The following PRKG1 variants were observed in gnomAD, a reference collection of about 807,000 sequenced individuals.
The protein encoded by PRKG1 is protein kinase cGMP-dependent 1.
In PRKG1, 35 loss-of-function variants were observed where a neutral mutation model predicts 88.1. The observed-to-expected ratio is 0.40, with a 90% CI of 0.30 to 0.53. The LOEUF (loss-of-function observed/expected upper bound fraction) is 0.53, where lower values mean the gene tolerates loss of function less well. Ranked by LOEUF, PRKG1 falls within the 20% of genes least tolerant of loss-of-function variation. The pLI is 0.59. For missense variants in PRKG1, 540 were observed against 839.8 expected, an observed-to-expected ratio of 0.64 and a Z score of 4.41; for synonymous variants, 303 against 292.5, an observed-to-expected ratio of 1.04 and a Z score of -0.37.
chr10:51,729,914 T>C (rs776788277), intron 3 of PRKG1, among the ~76,000 whole-genome samples: 2 of 152,046 alleles, frequency 1.3e-5, no homozygotes, highest in African/African-American at 2.4e-5. Context: ...CCAGAGATTT[T>C]TCATGTACTC....
intron 2 of PRKG1, among the ~76,000 whole-genome samples, chr10:51,331,276 G>A (rs1841734592): frequency 6.6e-6 from 1 of 152,082 alleles, no homozygotes; most frequent in Non-Finnish European, 1.5e-5. Flanking sequence ...TGCTGCTGAG[G>A]GATGTCCAGA....
chr10:52,079,012 C>A (rs1564459527), intron 7 of PRKG1, among the ~76,000 whole-genome samples: 1 of 152,192 alleles, frequency 6.6e-6, no homozygotes, highest in Non-Finnish European at 1.5e-5. Flanking sequence ...CCTCTACTGG[C>A]ATTTTAATTT....
rs58190244 is a variant in PRKG1, at chr10:51,114,437, C to CTGTGTGTGTGTGTGTG, written c.312-38726_312-38711dup. ...GATTGTCTGCTACCCATGAGTGACT[C>CTGTGTGTGTGTGTGTG]TGTGTGTGTGTGTGTGGATGTGCAC... On this transcript the variant is annotated intron_variant, in intron 1 of 17. Coordinates refer to ENST00000373980, the MANE Select transcript of PRKG1 (RefSeq NM_006258.4). Among the ~76,000 whole-genome samples, 389 of 150,274 alleles carry CTGTGTGTGTGTGTGTG rather than the reference C, an allele frequency of 2.6e-3. 6 individuals carry two copies. Among genetic ancestry groups the CTGTGTGTGTGTGTGTG allele is most frequent in the South Asian group, 0.024 (113 of 4,712 alleles).
intron 2 of PRKG1, among the ~76,000 whole-genome samples, chr10:51,432,357 G>A (rs1838794888): frequency 1.3e-5 from 2 of 152,148 alleles, no homozygotes; most frequent in South Asian, 2.1e-4. Context: ...CATCTCTCAT[G>A]TTTTATTTTT....
At chr10:51,453,070 T>C (rs796932653) in intron 2 of PRKG1, among the ~76,000 whole-genome samples, 2 of 152,000 alleles carry the variant, frequency 1.3e-5, no homozygotes, top group East Asian at 3.8e-4. Context: ...TGTTCTAGTT[T>C]GTGCACATAA....
At chr10:51,788,850 A>G (rs561332347) in intron 3 of PRKG1, among the ~76,000 whole-genome samples, 2 of 152,280 alleles carry the variant, frequency 1.3e-5, no homozygotes, top group South Asian at 2.1e-4. Context: ...TAATAGACAT[A>G]TAATCTTGAT....
chr10:51,282,282 G>A (rs1451865581), intron 2 of PRKG1, among the ~76,000 whole-genome samples: 4 of 152,116 alleles, frequency 2.6e-5, no homozygotes, highest in Non-Finnish European at 5.9e-5. Context: ...TTGTCCCATT[G>A]AGCCTGAAAT....
At chr10:51,160,446 T>C (rs1268891406) in intron 2 of PRKG1, among the ~76,000 whole-genome samples, 1 of 152,200 alleles carries the variant, frequency 6.6e-6, no homozygotes, top group African/African-American at 2.4e-5. Context: ...TGTATATAGA[T>C]AGAAGTAGAA....
At chr10:51,114,426 C>T (rs1845057752) in intron 1 of PRKG1, among the ~76,000 whole-genome samples, 1 of 91,028 alleles carries the variant, frequency 1.1e-5, no homozygotes, top group South Asian at 4.3e-4. Flanking sequence ...GTCTGCTACC[C>T]ATGAGTGACT....
chr10:51,255,753 T>C (rs1189826455), intron 2 of PRKG1, among the ~76,000 whole-genome samples: 1 of 151,970 alleles, frequency 6.6e-6, no homozygotes, highest in Non-Finnish European at 1.5e-5. Context: ...GATGAGCAAA[T>C]ACTGTGATTT....
chr10:51,606,495 G>A (rs1838770935), intron 3 of PRKG1, among the ~76,000 whole-genome samples: 1 of 152,134 alleles, frequency 6.6e-6, no homozygotes. Flanking sequence ...GCTTCCAATT[G>A]AAGACAGAGT....
intron 3 of PRKG1, among the ~76,000 whole-genome samples, chr10:51,501,306 A>T (rs1298796855): frequency 1.3e-5 from 2 of 152,158 alleles, no homozygotes; most frequent in Non-Finnish European, 2.9e-5. Context: ...AACCAGATAA[A>T]TTATATTTTT....
intron 3 of PRKG1, among the ~76,000 whole-genome samples, chr10:51,798,727 A>G (rs1033535131): frequency 3.3e-5 from 5 of 152,114 alleles, no homozygotes; most frequent in African/African-American, 1.2e-4. Flanking sequence ...CTTTGAAGAT[A>G]ATAGTTTTAT....
chr10:51,216,832 T>G (rs537694131), intron 2 of PRKG1, among the ~76,000 whole-genome samples: 17 of 152,258 alleles, frequency 1.1e-4, no homozygotes, highest in African/African-American at 3.4e-4. Flanking sequence ...AAAAGTATAT[T>G]TGGTAGTAAA....
chr10:51,574,749 A>G (rs1354827034), intron 3 of PRKG1, among the ~76,000 whole-genome samples: 1 of 151,990 alleles, frequency 6.6e-6, no homozygotes, highest in Non-Finnish European at 1.5e-5. Flanking sequence ...TCTGGCACAC[A>G]GTCAATAAAT....
At chr10:51,724,803 C>T (rs946450653) in intron 3 of PRKG1, among the ~76,000 whole-genome samples, 4 of 152,008 alleles carry the variant, frequency 2.6e-5, no homozygotes, top group Admixed American at 6.6e-5. Flanking sequence ...CTCAATCCGT[C>T]CTCCTGCCTC....
At chr10:51,101,798 A>AT (rs1316381101) in intron 1 of PRKG1, among the ~76,000 whole-genome samples, 1 of 152,204 alleles carries the variant, frequency 6.6e-6, no homozygotes, top group East Asian at 1.9e-4. Flanking sequence ...AAGCGATTGG[A>AT]TTTTTGTTGT....
intron 4 of PRKG1, among the ~76,000 whole-genome samples, chr10:51,807,806 G>A (rs1007503384): frequency 3.9e-5 from 6 of 151,916 alleles, no homozygotes; most frequent in South Asian, 2.1e-4. Flanking sequence ...GATGGCTTTC[G>A]GGGGGAAAAA....
chr10:52,101,833 T>A (rs1248901427), intron 7 of PRKG1, among the ~76,000 whole-genome samples: 1 of 152,184 alleles, frequency 6.6e-6, no homozygotes, highest in Admixed American at 6.5e-5. Context: ...AACATCAATA[T>A]ATTATCTTTT....
Sources: gnomAD v4.1 joint callset for allele counts (sites outside exome capture counted in the v4.1 genomes callset) on GRCh38, gnomAD v4.1.1 for gene constraint, MANE v1.5 for transcripts, NCBI Gene and HGNC (gene_info 2026-07-23, HGNC 2026-07-21) for gene names.